FMN2: variants seen among roughly 807,000 people sequenced by gnomAD.
FMN2 encodes the protein formin 2, also known as formin-2.
FMN2 carries 51 observed loss-of-function variants against 142.3 expected under a neutral mutation model. The observed-to-expected ratio is 0.36, with a 90% CI of 0.29 to 0.45. The LOEUF (loss-of-function observed/expected upper bound fraction) is 0.45, where lower values mean the gene tolerates loss of function less well. Ranked by LOEUF, FMN2 falls within the 20% of genes least tolerant of loss-of-function variation. The probability of loss-of-function intolerance (pLI) is 1.00; values close to 1 mark genes in which losing one functional copy is unlikely to be tolerated. For missense variants in FMN2, 1,936 were observed against 2,122.8 expected (o/e 0.91, Z 1.73); for synonymous variants, 882 against 869.8 (o/e 1.01, Z -0.25).
chr1:240,243,102 C>A (rs1319339857), intron 6 of FMN2, among the ~76,000 whole-genome samples: 1 of 151,814 alleles, frequency 6.6e-6, no homozygotes, highest in Non-Finnish European at 1.5e-5. Flanking sequence ...AGTAAGACTG[C>A]AGTCTTCCTT....
intron 15 of FMN2, among the ~76,000 whole-genome samples, chr1:240,412,117 A>T (rs1475352816): frequency 6.6e-6 from 1 of 152,204 alleles, no homozygotes; most frequent in African/African-American, 2.4e-5. Flanking sequence ...TTGAAGAGGG[A>T]TGCCAATTCA....
rs1481700716 is a variant in FMN2 at position 240,474,290 on chromosome 1, G to C, written c.*136G>C. On this transcript the variant is annotated 3_prime_UTR_variant, in exon 18 of 18. Transcript: ENST00000319653. ...TCTTGCATAATCTTTTTGTTTTCTA[G>C]ACAGTTCACTAATTGTTGAATTTTA... 9.1e-6 allele frequency: 7 copies of C among 765,964 alleles called. No homozygotes were observed. Among genetic ancestry groups the C allele is most frequent in the Non-Finnish European group, 9.9e-6 (5 of 502,870 alleles). 47.4% of individuals were successfully genotyped at this position (765,964 alleles called of 1,614,324 possible).
At chr1:240,302,789 A>G (rs1044529355) in intron 8 of FMN2, among the ~76,000 whole-genome samples, 3 of 152,092 alleles carry the variant, frequency 2.0e-5, no homozygotes, top group Non-Finnish European at 2.9e-5. Flanking sequence ...CCTGATATCT[A>G]AGTATAACTA....
chr1:240,408,699 AT>A (rs1041561956), intron 15 of FMN2, among the ~76,000 whole-genome samples: 2 of 152,184 alleles, frequency 1.3e-5, no homozygotes, highest in Admixed American at 6.5e-5. Context: ...CCATAAAATT[AT>A]TTTTTTAATA....
rs538762840 is a variant in FMN2 at position 240,093,714 on chromosome 1, C to G, written c.1605C>G (p.Asn535Lys). 52 of 1,368,492 alleles carry G rather than the reference C, an allele frequency of 3.8e-5. No individual in the cohort carries two copies. Among genetic ancestry groups the G allele is most frequent in the Non-Finnish European group, 4.9e-5 (52 of 1,068,316 alleles). The allele number at this position is 1,368,492 out of a possible 1,614,324, so 84.8% of individuals were successfully genotyped here. A position where few individuals can be genotyped will look rare whatever the true frequency, so the allele number is the denominator to read the frequency against. The change falls in exon 1 of 18, where the codon AAC becomes AAG. Residue 535 changes from asparagine (N) to lysine (K), a missense_variant. Physicochemically the swap from Asn to Lys is moderately conservative, Grantham distance 94. Transcript: ENST00000319653. ...GAPAAADGFQ[N>K]VFTGRTLLEK... ...CCGCGGCTGCGGATGGCTTCCAGAA[C>G]GTGTTCACAGGTGAGCGCGCCCTGC...
chr1:240,315,465 G>A (rs1342944956), intron 8 of FMN2, among the ~76,000 whole-genome samples: 1 of 152,218 alleles, frequency 6.6e-6, no homozygotes, highest in Non-Finnish European at 1.5e-5. Context: ...TAATAAGGAT[G>A]TAGAACTCCT....
chr1:240,349,202 T>C (rs1019395031), intron 13 of FMN2, among the ~76,000 whole-genome samples: 1 of 152,216 alleles, frequency 6.6e-6, no homozygotes, highest in Non-Finnish European at 1.5e-5. Flanking sequence ...GCTGCCTACA[T>C]TGATCTGCTT....
chr1:240,228,356 AAAAAAAATGGGC>A (rs1667416861), intron 6 of FMN2, among the ~76,000 whole-genome samples: 1 of 75,530 alleles, frequency 1.3e-5, no homozygotes, highest in Admixed American at 1.1e-4. Context: ...AAAAAGAAAG[AAAAAAAATGGGC>A]AAAAGGTTTC....
intron 15 of FMN2, among the ~76,000 whole-genome samples, chr1:240,406,083 C>T (rs1230441031): frequency 9.1e-6 from 1 of 109,456 alleles, no homozygotes; most frequent in Non-Finnish European, 1.8e-5. Context: ...GTGGGGGGAG[C>T]GAAGGGAATC....
intron 16 of FMN2, among the ~76,000 whole-genome samples, chr1:240,470,672 A>T (rs552802807): frequency 5.9e-5 from 9 of 152,290 alleles, no homozygotes; most frequent in African/African-American, 1.9e-4. Context: ...TCTTTCAGGA[A>T]ATTAGGCTAT....
chr1:240,270,858 G>C (rs993899058), intron 7 of FMN2, among the ~76,000 whole-genome samples: 1 of 151,922 alleles, frequency 6.6e-6, no homozygotes, highest in South Asian at 2.1e-4. Context: ...ATGGGGAAAG[G>C]GGAGACTTGG....
intron 14 of FMN2, among the ~76,000 whole-genome samples, chr1:240,373,985 CT>C (rs1434876879): frequency 6.6e-6 from 1 of 152,190 alleles, no homozygotes; most frequent in East Asian, 1.9e-4. Context: ...ACCCCTTGAT[CT>C]AAATAGATGT....
intron 3 of FMN2, among the ~76,000 whole-genome samples, chr1:240,183,855 C>G (rs1665256836): frequency 2.0e-5 from 3 of 152,130 alleles, no homozygotes; most frequent in Admixed American, 6.6e-5. Context: ...AATTCTGTTT[C>G]AGTTAAATTG....
At chr1:240,428,065 A>C (rs2103156338) in intron 15 of FMN2, among the ~76,000 whole-genome samples, 1 of 152,262 alleles carries the variant, frequency 6.6e-6, no homozygotes. Flanking sequence ...TCTTTCCTTT[A>C]GTTTACCAAT....
chr1:240,459,717 T>TTAAAAAA lies in FMN2; in HGVS notation c.5061-12655_5061-12654insTAAAAAA, dbSNP rs1471697427. On this transcript the variant is annotated intron_variant, in intron 16 of 17. Transcript: ENST00000319653. The stretch of plus-strand genomic sequence containing the variant: ...GGGTGACAGAACAAGACTCTGTCTC[T>TTAAAAAA]AAAAAAAAAAAAAAAAAAAAAAAAA... 3.6e-4 allele frequency among the ~76,000 whole-genome samples: 24 copies of TTAAAAAA among 67,124 alleles called. 2 individuals carry two copies. Among genetic ancestry groups the TTAAAAAA allele is most frequent in the African/African-American group, 1.2e-3 (23 of 19,480 alleles). 44.0% of individuals were successfully genotyped at this position (67,124 alleles called of 152,430 possible). A position where few individuals can be genotyped will look rare whatever the true frequency, so the allele number is the denominator to read the frequency against.
intron 16 of FMN2, among the ~76,000 whole-genome samples, chr1:240,449,680 T>C (rs1328764024): frequency 2.0e-5 from 3 of 152,234 alleles, no homozygotes; most frequent in Non-Finnish European, 4.4e-5. Flanking sequence ...TCGGTTTGTG[T>C]GAAAAGCTAT....
chr1:240,105,100 CTTTTTTTTTTTT>C (rs57841541), intron 1 of FMN2, among the ~76,000 whole-genome samples: 6 of 72,986 alleles, frequency 8.2e-5, no homozygotes, highest in Admixed American at 1.8e-4. Flanking sequence ...GTTTATGCTT[CTTTTTTTTTTTT>C]TTTTTTTTTT....
chr1:240,301,006 A>G (rs1018278583), intron 8 of FMN2, among the ~76,000 whole-genome samples: 5 of 150,500 alleles, frequency 3.3e-5, no homozygotes, highest in African/African-American at 1.2e-4. Context: ...TTTTTTATTC[A>G]TTGTGATAAT....
At chr1:240,371,888 C>G (rs1422219856) in intron 14 of FMN2, among the ~76,000 whole-genome samples, 2 of 152,138 alleles carry the variant, frequency 1.3e-5, no homozygotes, top group Admixed American at 6.6e-5. Context: ...AATTACCGCT[C>G]TCTGTTGTGC....
Sources: gnomAD v4.1 joint callset for allele counts (sites outside exome capture counted in the v4.1 genomes callset) on GRCh38, gnomAD v4.1.1 for gene constraint, MANE v1.5 for transcripts, NCBI Gene and HGNC (gene_info 2026-07-23, HGNC 2026-07-21) for gene names.